Variants in SMARCD3 observed in about 807,000 individuals in gnomAD.
The protein encoded by SMARCD3 is SWI/SNF-related matrix-associated actin-dependent regulator of chromatin subfamily D member 3.
In SMARCD3, 14 loss-of-function variants were observed where a neutral mutation model predicts 58.0. The ratio of observed to expected loss-of-function variants is 0.24; its 90% CI spans 0.16 to 0.38. The LOEUF is 0.38. Among genes scored for constraint, SMARCD3 ranks in the 10% least tolerant of loss-of-function variants. The pLI is 1.00. For synonymous variants in SMARCD3, 253 were observed against 253.8 expected, an observed-to-expected ratio of 1.00 and a Z score of 0.03; for missense variants, 408 against 636.9, an observed-to-expected ratio of 0.64 and a Z score of 3.87.
chr7:151,267,266 G>A (rs746434194), intron 2 of SMARCD3, among the ~76,000 whole-genome samples: 5 of 152,154 alleles, frequency 3.3e-5, no homozygotes, highest in Non-Finnish European at 7.3e-5. Context: ...CCACACTCCA[G>A]GAAACTGAAG....
chr7:151,258,130 C>G (rs953588302), intron 2 of SMARCD3, among the ~76,000 whole-genome samples: 1 of 152,130 alleles, frequency 6.6e-6, no homozygotes, highest in African/African-American at 2.4e-5. Context: ...GAAGGCACAT[C>G]CTATTGGCTC....
At chr7:151,244,244 G>A (rs1445326650) in intron 2 of SMARCD3, among the ~76,000 whole-genome samples, 1 of 152,118 alleles carries the variant, frequency 6.6e-6, no homozygotes, top group East Asian at 1.9e-4. Context: ...GATGGGCTGG[G>A]GGTACTCATG....
At chr7:151,256,526 C>T (rs1430097270) in intron 2 of SMARCD3, among the ~76,000 whole-genome samples, 1 of 152,130 alleles carries the variant, frequency 6.6e-6, no homozygotes, top group African/African-American at 2.4e-5. Flanking sequence ...CCAGCTCCTC[C>T]CCTGCAACCA....
intron 2 of SMARCD3, among the ~76,000 whole-genome samples, chr7:151,269,962 C>A (rs3789819): frequency 0.38 from 56,927 of 151,732 alleles, 12,082 homozygotes; most frequent in African/African-American, 0.58. Flanking sequence ...CAAGTGTGGG[C>A]CATGGCCTTG....
intron 2 of SMARCD3, among the ~76,000 whole-genome samples, chr7:151,257,473 C>T (rs944672523): frequency 5.4e-4 from 82 of 152,272 alleles, no homozygotes; most frequent in Non-Finnish European, 1.3e-4. Context: ...ACTACAGGCA[C>T]CCGCCACCAC....
chr7:151,272,441 C>T (rs1346757348), intron 2 of SMARCD3, among the ~76,000 whole-genome samples: 1 of 152,164 alleles, frequency 6.6e-6, no homozygotes, highest in Non-Finnish European at 1.5e-5. Context: ...AAGAACACCT[C>T]CCTGTGTCTT....
rs916173375 is a variant in SMARCD3, at chr7:151,243,246, T to C, written c.334-403A>G. The stretch of plus-strand genomic sequence containing the variant: ...AGACAGTTGGACAGCGGTGCTTTCT[T>C]CTCTGCTGGCACCTTGCTCAGCCCC... On this transcript the variant is annotated intron_variant, in intron 3 of 12. Coordinates refer to ENST00000262188, the MANE Select transcript of SMARCD3 (RefSeq NM_001003801.2). This position sits in a 1 kb window ranked among gnomAD's most constrained non-coding sequence, Gnocchi z 4.4. 6.6e-6 allele frequency among the ~76,000 whole-genome samples: 1 copy of C among 152,158 alleles called. No individual in the cohort carries two copies. Among genetic ancestry groups the C allele is most frequent in the African/African-American group, 2.4e-5 (1 of 41,438 alleles).
rs1319289461 is a variant in SMARCD3 at position 151,242,524 on chromosome 7, A to G, written c.536T>C (p.Ile179Thr). ...KPDAEDSDGSIASWELRVEGK... is the reference protein window; with the variant it reads ...KPDAEDSDGSTASWELRVEGK... ...CTCCACCCGTAGCTCCCAGGAGGCAATGCTGCCGTCGGAATCCTCAGCATC... is the reference window on the plus strand; with the variant it reads ...CTCCACCCGTAGCTCCCAGGAGGCAGTGCTGCCGTCGGAATCCTCAGCATC... The change falls in exon 5 of 13, where the codon ATT becomes ACT. Residue 179 changes from isoleucine to threonine, a missense_variant. By Grantham distance (89) the Ile-to-Thr change is moderately conservative. Transcript: ENST00000262188. The surrounding 1 kb of genome is among the most constrained non-coding windows in gnomAD (Gnocchi z 4.7). 10 of 1,614,074 alleles carry G rather than the reference A, an allele frequency of 6.2e-6. No individual in the cohort carries two copies. The South Asian group carries it at 6.6e-5, about 11-fold the overall frequency.
At chr7:151,267,256 C>T (rs1418166810) in intron 2 of SMARCD3, among the ~76,000 whole-genome samples, 1 of 152,208 alleles carries the variant, frequency 6.6e-6, no homozygotes, top group East Asian at 1.9e-4. Flanking sequence ...TTGGTTCTCT[C>T]CACACTCCAG....
chr7:151,248,774 C>T (rs1428058962), upstream of SMARCD3: 2 of 822,870 alleles, frequency 2.4e-6, no homozygotes, highest in Non-Finnish European at 3.0e-6. This position sits in a 1 kb window ranked among gnomAD's most constrained non-coding sequence, Gnocchi z 6.1. Context: ...CCGCCGCCGC[C>T]GCGGCTGCCG....
rs186011567 is a variant in SMARCD3 at position 151,241,473 on chromosome 7, G to A, written c.939+19C>T. On this transcript the variant is annotated intron_variant, in intron 8 of 12. Transcript: ENST00000262188. This position sits in a 1 kb window ranked among gnomAD's most constrained non-coding sequence, Gnocchi z 5.3. ...ACTCCGCCTGCTCCCCAGATCCCAGGGTTCAGGAGAGAGGTTACCTGCTGG... is the reference window on the plus strand; with the variant it reads ...ACTCCGCCTGCTCCCCAGATCCCAGAGTTCAGGAGAGAGGTTACCTGCTGG... The A allele has an allele frequency of 2.4e-4, 387 of 1,607,748 alleles. 2 individuals carry two copies. The East Asian group carries it at 2.7e-3, about 11-fold the overall frequency.
At chr7:151,260,364 C>G (rs11980983) in intron 2 of SMARCD3, among the ~76,000 whole-genome samples, 2,071 of 152,252 alleles carry the variant, frequency 0.014, 38 homozygotes, top group African/African-American at 0.047. Context: ...CTCAAAATCT[C>G]AAGCTGATTG....
chr7:151,257,588 G>A (rs1332461709), intron 2 of SMARCD3, among the ~76,000 whole-genome samples: 1 of 151,986 alleles, frequency 6.6e-6, no homozygotes, highest in Non-Finnish European at 1.5e-5. Flanking sequence ...GCCTCCCAAA[G>A]TGCTGGGATT....
rs373431990 is a variant in SMARCD3, at chr7:151,239,765, A to T, written c.1174-19T>A. The T allele has an allele frequency of 5.6e-6, 9 of 1,608,786 alleles. No individual in the cohort carries two copies. The African/African-American group carries it at 1.2e-4, about 22-fold the overall frequency. On this transcript the variant is annotated intron_variant, in intron 10 of 12. Transcript: ENST00000262188. This position sits in a 1 kb window ranked among gnomAD's most constrained non-coding sequence, Gnocchi z 7.0. ...CATGGATCTGCAGGTAGAAAGATAG[A>T]TGCTTTCCACCTGGCTTTGGTGATG...
At position 151,239,326 on chromosome 7, in the gene SMARCD3, A is replaced by C; in HGVS notation, c.1398+70T>G. ...CTGTGGGGAGCTGCGAGGGCTGCCCACAAGCTGAACAGGGAGGTTTCTCTT... is the reference window on the plus strand; with the variant it reads ...CTGTGGGGAGCTGCGAGGGCTGCCCCCAAGCTGAACAGGGAGGTTTCTCTT... On this transcript the variant is annotated intron_variant, in intron 12 of 12. Coordinates refer to ENST00000262188, the MANE Select transcript of SMARCD3 (RefSeq NM_001003801.2). The surrounding 1 kb of genome is among the most constrained non-coding windows in gnomAD (Gnocchi z 7.0). The C allele has an allele frequency of 7.1e-7, 1 of 1,413,208 alleles. No individual in the cohort carries two copies. Among genetic ancestry groups the C allele is most frequent in the Non-Finnish European group, 1.0e-6 (1 of 999,226 alleles). 87.5% of individuals were successfully genotyped at this position (1,413,208 alleles called of 1,614,324 possible). A position where few individuals can be genotyped will look rare whatever the true frequency, so the allele number is the denominator to read the frequency against.
chr7:151,250,043 G>A (rs1405980571), upstream of SMARCD3, among the ~76,000 whole-genome samples: 2 of 152,086 alleles, frequency 1.3e-5, no homozygotes, highest in African/African-American at 2.4e-5. Flanking sequence ...AGTGCCTAGG[G>A]GAGTTTGTTG....
chr7:151,239,484 A>G lies in SMARCD3; in HGVS notation c.1310T>C (p.Val437Ala). 1 of 1,613,642 alleles carries G rather than the reference A, an allele frequency of 6.2e-7. No homozygotes were observed. The highest frequency in any genetic ancestry group is 8.5e-7 in the Non-Finnish European group (1 of 1,179,792). Reference protein sequence around the residue: ...QSRDLKVMTDVAGNPEEERRA... With the variant: ...QSRDLKVMTDAAGNPEEERRA... Reference sequence around the variant, plus strand: ...GCGCTCCTCTTCAGGGTTGCCGGCTACATCTGTCATCACCTGGGAGGGAGC... The same window carrying G: ...GCGCTCCTCTTCAGGGTTGCCGGCTGCATCTGTCATCACCTGGGAGGGAGC... Residue 437 changes from valine to alanine, a missense_variant, in exon 12 of 13, where the codon GTA (valine) becomes GCA (alanine). Val to Ala is a moderately conservative substitution (Grantham distance 64). This residue lies in a region of SMARCD3 where 81 missense variants were observed against 109.7 expected (regional missense o/e 0.74). Transcript: ENST00000262188. The surrounding 1 kb of genome is among the most constrained non-coding windows in gnomAD (Gnocchi z 7.0).
chr7:151,238,946 C>T lies in SMARCD3; in HGVS notation c.*157G>A. On this transcript the variant is annotated 3_prime_UTR_variant, in exon 13 of 13. Coordinates refer to ENST00000262188, the MANE Select transcript of SMARCD3 (RefSeq NM_001003801.2). ...CTTCCCCTTCTCTCCCCCTCCCCTC[C>T]CCAGTTTCCAATGACCACACGGCTG... 1.9e-6 allele frequency: 2 copies of T among 1,065,690 alleles called. No individual in the cohort carries two copies. Among genetic ancestry groups the T allele is most frequent in the South Asian group, 2.8e-5 (2 of 71,334 alleles). The allele number at this position is 1,065,690 out of a possible 1,614,324, so 66.0% of individuals were successfully genotyped here.
chr7:151,263,079 G>A (rs1377305421), intron 2 of SMARCD3, among the ~76,000 whole-genome samples: 1 of 152,106 alleles, frequency 6.6e-6, no homozygotes, highest in Non-Finnish European at 1.5e-5. Flanking sequence ...CACCTTATAA[G>A]TGGGGAAACT....
Sources: gnomAD v4.1 joint callset for allele counts (sites outside exome capture counted in the v4.1 genomes callset) on GRCh38, gnomAD v4.1.1 for gene constraint, gnomAD v4.1.1 regional missense constraint, Gnocchi (gnomAD v3.1) non-coding constraint, MANE v1.5 for transcripts, NCBI Gene and HGNC (gene_info 2026-07-23, HGNC 2026-07-21) for gene names.